Variants in GRIA3 observed in about 807,000 individuals in gnomAD.
The protein encoded by GRIA3 is glutamate receptor 3.
In GRIA3, 3 loss-of-function variants were observed where a neutral mutation model predicts 63.0. The ratio of observed to expected loss-of-function variants is 0.05; its 90% CI spans 0.02 to 0.12. GRIA3 has a LOEUF of 0.12. Among genes scored for constraint, GRIA3 ranks in the 10% least tolerant of loss-of-function variants. The probability of loss-of-function intolerance (pLI) is 1.00; values close to 1 mark genes in which losing one functional copy is unlikely to be tolerated. For missense variants in GRIA3, 347 were observed against 700.9 expected, an observed-to-expected ratio of 0.50 and a Z score of 5.70; for synonymous variants, 274 against 257.9, an observed-to-expected ratio of 1.06 and a Z score of -0.60.
chrX:123,232,236 G>C (rs1366167009), intron 2 of GRIA3, among the ~76,000 whole-genome samples: 1 of 111,527 alleles, frequency 9.0e-6, no homozygotes, highest in Non-Finnish European at 1.9e-5. Flanking sequence ...CTGTCCACAA[G>C]GGCAAGCAAC....
chrX:123,369,963 T>C (rs2045237288), intron 5 of GRIA3, among the ~76,000 whole-genome samples: 1 of 111,798 alleles, frequency 8.9e-6, no homozygotes, highest in Non-Finnish European at 1.9e-5. Flanking sequence ...CCCTACATTC[T>C]ACCAGTGACC....
chrX:123,379,762 T>A (rs1311039539), intron 5 of GRIA3, among the ~76,000 whole-genome samples: 3 of 104,422 alleles, frequency 2.9e-5, no homozygotes, highest in Non-Finnish European at 5.9e-5. Flanking sequence ...TCATTTAGCA[T>A]TAGGTATATC....
chrX:123,273,968 T>C (rs1603061751), intron 3 of GRIA3, among the ~76,000 whole-genome samples: 1 of 111,940 alleles, frequency 8.9e-6, no homozygotes, highest in South Asian at 3.8e-4. Context: ...TCAAGGATAC[T>C]GTATATGACA....
chrX:123,242,219 C>G (rs2044333733), intron 2 of GRIA3, among the ~76,000 whole-genome samples: 1 of 112,189 alleles, frequency 8.9e-6, no homozygotes, highest in Non-Finnish European at 1.9e-5. Flanking sequence ...GAAAATAAAA[C>G]AGACAATTAT....
chrX:123,277,492 C>T (rs969384266), intron 3 of GRIA3, among the ~76,000 whole-genome samples: 4 of 110,773 alleles, frequency 3.6e-5, no homozygotes, highest in African/African-American at 1.3e-4. Flanking sequence ...AGTAAGGCCT[C>T]GTGATGTAGG....
intron 3 of GRIA3, among the ~76,000 whole-genome samples, chrX:123,267,964 A>G (rs759097087): frequency 2.2e-4 from 24 of 111,451 alleles, no homozygotes; most frequent in Admixed American, 6.7e-4. Flanking sequence ...GGGAACACAG[A>G]AGAAAAGAGA....
intron 2 of GRIA3, among the ~76,000 whole-genome samples, chrX:123,249,953 A>C (rs1291427477): frequency 8.9e-6 from 1 of 112,052 alleles, no homozygotes; most frequent in Admixed American, 9.5e-5. Context: ...CTTCCTGGAG[A>C]CAACTCATAA....
At chrX:123,441,389 C>T in intron 12 of GRIA3, among the ~76,000 whole-genome samples, 1 of 111,559 alleles carries the variant, frequency 9.0e-6, no homozygotes, top group South Asian at 3.8e-4. Context: ...ACAACTGTAT[C>T]ATAGTAGAAA....
chrX:123,343,593 CAG>C (rs746329134), intron 4 of GRIA3, among the ~76,000 whole-genome samples: 368 of 101,708 alleles, frequency 3.6e-3, no homozygotes, highest in African/African-American at 3.2e-3. Flanking sequence ...GAGAGAAAGA[CAG>C]AGAGAGAGAG....
Position 123,403,044 on chromosome X carries a change from T to C in GRIA3, c.1131T>C (p.Arg377=), listed in dbSNP as rs143572346. Residue 377 remains arginine, a synonymous_variant, in exon 8 of 16, where the codon CGT becomes CGC. Coordinates refer to ENST00000620443, the MANE Select transcript of GRIA3 (RefSeq NM_007325.5). ...TGNIQFDTYG[R]RTNYTIDVYE... is the part of the protein sequence containing the mutation. Reference sequence around the variant, plus strand: ...ATATTCAATTTGACACTTATGGACGTAGGACAAATTATACCATCGATGTGT... The same window carrying C: ...ATATTCAATTTGACACTTATGGACGCAGGACAAATTATACCATCGATGTGT... 1.2e-5 allele frequency: 14 copies of C among 1,176,418 alleles called. No individual in the cohort carries two copies. Among genetic ancestry groups the C allele is most frequent in the South Asian group, 3.6e-5 (2 of 56,194 alleles).
intron 13 of GRIA3, among the ~76,000 whole-genome samples, chrX:123,472,413 T>C (rs1179441598): frequency 9.0e-6 from 1 of 111,134 alleles, no homozygotes; most frequent in Non-Finnish European, 1.9e-5. Flanking sequence ...AACACACTTA[T>C]ATATGATAAA....
At chrX:123,294,540 G>C (rs1164309403) in intron 3 of GRIA3, among the ~76,000 whole-genome samples, 1 of 111,110 alleles carries the variant, frequency 9.0e-6, no homozygotes, top group Non-Finnish European at 1.9e-5. Flanking sequence ...ATGTAGCCTT[G>C]ACTCTCCAGT....
intron 3 of GRIA3, among the ~76,000 whole-genome samples, chrX:123,277,717 C>T (rs2044563171): frequency 8.9e-6 from 1 of 112,153 alleles, no homozygotes; most frequent in Admixed American, 9.5e-5. Flanking sequence ...ATTCAAAGGA[C>T]CTGTTCTCAA....
chrX:123,462,163 C>T (rs1027878023), intron 12 of GRIA3, among the ~76,000 whole-genome samples: 1 of 111,321 alleles, frequency 9.0e-6, no homozygotes, highest in Non-Finnish European at 1.9e-5. Flanking sequence ...ATCAGAATAG[C>T]CTCCTAACTA....
In GRIA3 at chrX:123,202,913, C is replaced by A. The variant is rs775536889; in HGVS notation, c.268+16923C>A. ...TGAAAGGAACAAATTCCAGGCAAGT[C>A]AAAGTCAAGCCTACTTTACACAGTG... On this transcript the variant is annotated intron_variant, in intron 2 of 15. Transcript: ENST00000620443. The A allele has an allele frequency of 1.7e-5, 11 of 654,429 alleles. No homozygotes were observed. The South Asian group carries it at 1.8e-4, about 11-fold the overall frequency. The allele number at this position is 654,429 out of a possible 1,213,427, so 53.9% of individuals were successfully genotyped here.
At chrX:123,359,423 T>A (rs2045155043) in intron 5 of GRIA3, among the ~76,000 whole-genome samples, 1 of 111,741 alleles carries the variant, frequency 8.9e-6, no homozygotes, top group African/African-American at 3.3e-5. Flanking sequence ...GATCTACATT[T>A]CTTCCCTCTT....
intron 5 of GRIA3, among the ~76,000 whole-genome samples, chrX:123,357,909 T>C (rs895206215): frequency 9.0e-6 from 1 of 111,389 alleles, no homozygotes; most frequent in African/African-American, 3.3e-5. Context: ...GCCGTGTAAG[T>C]CCCTGTACTC....
intron 12 of GRIA3, among the ~76,000 whole-genome samples, chrX:123,440,449 C>T (rs140116814): frequency 0.013 from 1,434 of 112,435 alleles, 14 homozygotes; most frequent in South Asian, 0.054. Context: ...TGCAACCTCA[C>T]CAGCATCTAC....
At position 123,228,759 on chromosome X, in the gene GRIA3, C is replaced by T. The variant is rs1043852809; in HGVS notation, c.269-24544C>T. 7.2e-5 allele frequency among the ~76,000 whole-genome samples: 8 copies of T among 111,154 alleles called. No homozygotes were observed. The Admixed American group carries it at 7.6e-4, about 11-fold the overall frequency. ...CAAGGACACATAAAACATATCCAGT[C>T]CAAAGGCACAAATCAGGCAGTTGTC... is the stretch of plus-strand genomic sequence containing the variant. On this transcript the variant is annotated intron_variant, in intron 2 of 15. Coordinates refer to ENST00000620443, the MANE Select transcript of GRIA3 (RefSeq NM_007325.5).
Sources: gnomAD v4.1 joint callset for allele counts (sites outside exome capture counted in the v4.1 genomes callset) on GRCh38, gnomAD v4.1.1 for gene constraint, MANE v1.5 for transcripts, NCBI Gene and HGNC (gene_info 2026-07-23, HGNC 2026-07-21) for gene names.